VPS4B: variants seen among roughly 807,000 people sequenced by gnomAD.
VPS4B encodes the protein vacuolar protein sorting-associated protein 4B.
In VPS4B, 23 loss-of-function variants were observed where a neutral mutation model predicts 56.1. The ratio of observed to expected loss-of-function variants is 0.41; its 90% CI spans 0.30 to 0.58. The LOEUF (loss-of-function observed/expected upper bound fraction) is 0.58, where lower values mean the gene tolerates loss of function less well. Among genes scored for constraint, VPS4B ranks in the 20% least tolerant of loss-of-function variants. The pLI, the probability that VPS4B is intolerant of heterozygous loss-of-function variation, is 0.29. For synonymous variants in VPS4B, 177 were observed against 186.0 expected (o/e 0.95, Z 0.39); for missense variants, 372 against 531.9 (o/e 0.70, Z 2.96).
intron 6 of VPS4B, 38 bp downstream of exon 6, chr18:63,400,509 G>A: frequency 6.3e-7 from 1 of 1,576,704 alleles, no homozygotes; most frequent in Non-Finnish European, 8.6e-7. Context: ...GTAATTACAG[G>A]CAAAGAAAAA....
intron 4 of VPS4B, among the ~76,000 whole-genome samples, chr18:63,406,447 C>A (rs1301703211): frequency 6.6e-6 from 1 of 152,202 alleles, no homozygotes; most frequent in African/African-American, 2.4e-5. Flanking sequence ...AGTATTTTCA[C>A]TATTCAGTAA....
intron 4 of VPS4B, among the ~76,000 whole-genome samples, chr18:63,406,693 A>T (rs751041466): frequency 6.6e-6 from 1 of 152,242 alleles, no homozygotes; most frequent in Non-Finnish European, 1.5e-5. Flanking sequence ...ACTTCGTCAG[A>T]TATATGAGGT....
chr18:63,418,620 C>T (rs115915173), intron 1 of VPS4B, among the ~76,000 whole-genome samples: 2,569 of 152,188 alleles, frequency 0.017, 65 homozygotes, highest in African/African-American at 0.06. Context: ...AGACTGGTCT[C>T]GAAGTCCTAA....
Position 63,400,199 on chromosome 18 carries a change from AAAAAT to A in VPS4B, c.642-8_642-4del. On this transcript the variant is annotated splice_polypyrimidine_tract_variant and splice_region_variant and intron_variant, in intron 6 of 10. Coordinates refer to ENST00000238497, the MANE Select transcript of VPS4B (RefSeq NM_004869.4). ...GTTGGAATAAATTCTTAACCAGTCTAAAAATAAATGAAAACTTTTAAGTCTCTAAA... is the reference window on the plus strand; with the variant it reads ...GTTGGAATAAATTCTTAACCAGTCTAAAATGAAAACTTTTAAGTCTCTAAA... 6.3e-7 allele frequency: 1 copy of A among 1,586,012 alleles called. No homozygotes were observed. Among genetic ancestry groups the A allele is most frequent in the Non-Finnish European group, 8.5e-7 (1 of 1,172,776 alleles).
At chr18:63,422,185 T>TC (rs1916318986) in intron 1 of VPS4B, 48 bp downstream of exon 1, 1 of 1,430,018 alleles carries the variant, frequency 7.0e-7, no homozygotes, top group Non-Finnish European at 9.2e-7. Context: ...TTCTCGCGCC[T>TC]CCCCTCGATC....
intron 1 of VPS4B, among the ~76,000 whole-genome samples, chr18:63,413,107 C>A (rs997849645): frequency 1.3e-5 from 2 of 152,068 alleles, no homozygotes; most frequent in African/African-American, 2.4e-5. Context: ...CACAAACAAC[C>A]ACACCCACAC....
chr18:63,402,746 T>C (rs1915837946), intron 5 of VPS4B, among the ~76,000 whole-genome samples: 2 of 152,218 alleles, frequency 1.3e-5, no homozygotes, highest in African/African-American at 4.8e-5. Context: ...TGATGTCAAC[T>C]TTTATGCTGT....
rs930020766 is a variant in VPS4B at position 63,390,453 on chromosome 18, T to G, written c.*522A>C. The stretch of plus-strand genomic sequence containing the variant: ...TTATTAAAAACTATTAAGAGCACTG[T>G]CTATAATTCAAAATCTTTCAAACCC... On this transcript the variant is annotated 3_prime_UTR_variant, in exon 11 of 11. Coordinates refer to ENST00000238497, the MANE Select transcript of VPS4B (RefSeq NM_004869.4). The G allele has an allele frequency of 2.0e-5, 3 of 152,754 alleles. No homozygotes were observed. The highest frequency in any genetic ancestry group is 4.4e-5 in the Non-Finnish European group (3 of 68,124). The allele number at this position is 152,754 out of a possible 1,614,324, so 9.5% of individuals were successfully genotyped here.
At chr18:63,411,358 C>A in intron 2 of VPS4B, 109 bp downstream of exon 2, 45 of 728,676 alleles carry the variant, frequency 6.2e-5, no homozygotes, top group Middle Eastern at 3.5e-4. Flanking sequence ...TTTTTTTTAA[C>A]AAATGGATCG....
intron 10 of VPS4B, among the ~76,000 whole-genome samples, chr18:63,392,649 C>T (rs1279501352): frequency 2.6e-5 from 4 of 152,028 alleles, no homozygotes; most frequent in East Asian, 1.9e-4. Context: ...GGGGTTTCAC[C>T]GTGTTGGCCA....
chr18:63,417,654 T>C (rs1285273106), intron 1 of VPS4B, among the ~76,000 whole-genome samples: 2 of 152,076 alleles, frequency 1.3e-5, no homozygotes, highest in Admixed American at 6.6e-5. Flanking sequence ...TGTCTGAGCA[T>C]GCATATGTTT....
At chr18:63,391,979 C>G (rs1195539683) in intron 10 of VPS4B, among the ~76,000 whole-genome samples, 1 of 152,072 alleles carries the variant, frequency 6.6e-6, no homozygotes, top group Non-Finnish European at 1.5e-5. Flanking sequence ...TTCTTCAAAG[C>G]TGAACAAAGT....
intron 3 of VPS4B, 65 bp downstream of exon 3, chr18:63,410,225 C>G (rs1568089134): frequency 2.5e-6 from 4 of 1,589,124 alleles, no homozygotes; most frequent in Non-Finnish European, 3.4e-6. Flanking sequence ...CTGTTTTAAT[C>G]AAAAGAAATT....
At chr18:63,404,385 G>A (rs1475462257) in intron 4 of VPS4B, 1 of 152,174 alleles carries the variant, frequency 6.6e-6, no homozygotes, top group Non-Finnish European at 1.5e-5. Context: ...GGAAGCAGAT[G>A]ATGGGAAACC....
intron 1 of VPS4B, among the ~76,000 whole-genome samples, chr18:63,420,250 C>T (rs957990229): frequency 6.6e-6 from 1 of 152,028 alleles, no homozygotes; most frequent in Admixed American, 6.5e-5. Flanking sequence ...AGTTCAAGAC[C>T]AGCGTGGCCA....
chr18:63,407,401 T>A, intron 4 of VPS4B, 31 bp downstream of exon 4: 1 of 1,524,524 alleles, frequency 6.6e-7, no homozygotes. Context: ...TTTAATAGGA[T>A]AGTAAATTTA....
chr18:63,393,579 T>A, intron 9 of VPS4B, 30 bp from the exon 10 acceptor site: 1 of 1,528,262 alleles, frequency 6.5e-7, no homozygotes, highest in Non-Finnish European at 8.8e-7. Context: ...GAAATATGTA[T>A]TTGAAACAAA....
At chr18:63,395,925 AC>A (rs1380119443) in intron 9 of VPS4B, among the ~76,000 whole-genome samples, 5 of 152,216 alleles carry the variant, frequency 3.3e-5, no homozygotes, top group African/African-American at 1.2e-4. Context: ...CACTCTAGCT[AC>A]TGTGTTAGCA....
At chr18:63,392,862 T>C (rs1915584189) in intron 10 of VPS4B, among the ~76,000 whole-genome samples, 1 of 152,060 alleles carries the variant, frequency 6.6e-6, no homozygotes, top group South Asian at 2.1e-4. Flanking sequence ...GTGATTCTCC[T>C]GCCTCAGCTG....
Sources: allele counts gnomAD v4.1 joint callset (sites outside exome capture counted in the v4.1 genomes callset), GRCh38; gene constraint gnomAD v4.1.1; transcripts MANE v1.5; gene names NCBI Gene and HGNC (gene_info 2026-07-23, HGNC 2026-07-21).